APC: variants seen among roughly 807,000 people sequenced by gnomAD.
The protein encoded by APC is adenomatous polyposis coli protein.
Under a neutral mutation model 247.0 loss-of-function variants are expected in APC, and 72 were observed. The ratio of observed to expected loss-of-function variants is 0.29; its 90% CI spans 0.24 to 0.35. APC has a LOEUF of 0.35. APC is among the 10% of genes least tolerant of loss of function. The probability of loss-of-function intolerance (pLI) is 1.00; values close to 1 mark genes in which losing one functional copy is unlikely to be tolerated. For synonymous variants in APC, 1,254 were observed against 1,162.5 expected, an observed-to-expected ratio of 1.08 and a Z score of -1.60; for missense variants, 3,400 against 3,360.7, an observed-to-expected ratio of 1.01 and a Z score of -0.29.
chr5:112,766,801 C>T (rs185488513), intron 3 of APC, among the ~76,000 whole-genome samples: 7 of 152,298 alleles, frequency 4.6e-5, no homozygotes, highest in Admixed American at 3.9e-4. Context: ...AACCTTTTCA[C>T]ATATATAAGT....
intron 2 of APC, among the ~76,000 whole-genome samples, chr5:112,761,464 A>G (rs1255675922): frequency 6.6e-6 from 1 of 152,228 alleles, no homozygotes; most frequent in Non-Finnish European, 1.5e-5. Context: ...TAGATATTCT[A>G]GAACTGAAAA....
At chr5:112,732,228 A>G (rs1173400616) in intron 1 of APC, among the ~76,000 whole-genome samples, 1 of 152,222 alleles carries the variant, frequency 6.6e-6, no homozygotes, top group Non-Finnish European at 1.5e-5. Flanking sequence ...GGCTATTTCA[A>G]AATGGTTTCC....
rs762845970 is a variant in APC, at chr5:112,841,882, A to C, written c.6288A>C (p.Ser2096=). The change falls in exon 16 of 16, where the codon TCA becomes TCC. Residue 2096 remains serine (S), a synonymous_variant. Transcript: ENST00000257430. This position sits in a 1 kb window ranked among gnomAD's most constrained non-coding sequence, Gnocchi z 4.6. Reference sequence around the variant, plus strand: ...CAGAACATGGTCTATCCCCTGATTCAGAAAATTTTGATTGGAAAGCTATTC... The same window carrying C: ...CAGAACATGGTCTATCCCCTGATTCCGAAAATTTTGATTGGAAAGCTATTC... ...PDSEHGLSPD[S]ENFDWKAIQE... is the part of the protein sequence containing the mutation. The C allele has an allele frequency of 6.2e-7, 1 of 1,614,018 alleles. No homozygotes were observed.
chr5:112,721,096 G>A (rs1018676694), intron 1 of APC, among the ~76,000 whole-genome samples: 2 of 150,850 alleles, frequency 1.3e-5, no homozygotes, highest in African/African-American at 2.5e-5. Context: ...ATGAACTAGA[G>A]GGGCAGGAGA....
At chr5:112,740,499 GTTTTTGT>G (rs1399723391) in intron 1 of APC, among the ~76,000 whole-genome samples, 1 of 138,266 alleles carries the variant, frequency 7.2e-6, no homozygotes, top group African/African-American at 2.7e-5. Context: ...AGCTATTGAA[GTTTTTGT>G]TTTTTGTGTT....
intron 6 of APC, among the ~76,000 whole-genome samples, chr5:112,788,069 G>A (rs780168990): frequency 3.9e-5 from 6 of 152,000 alleles, no homozygotes; most frequent in African/African-American, 7.2e-5. Flanking sequence ...GTTCCTCATC[G>A]ATGAGTAATG....
At chr5:112,743,605 A>C (rs991356384) in intron 1 of APC, among the ~76,000 whole-genome samples, 3 of 152,246 alleles carry the variant, frequency 2.0e-5, no homozygotes, top group African/African-American at 7.2e-5. Flanking sequence ...TCATCACTTA[A>C]TTTATATCAG....
chr5:112,727,002 G>T (rs1751822214), intron 1 of APC, among the ~76,000 whole-genome samples: 1 of 151,918 alleles, frequency 6.6e-6, no homozygotes, highest in African/African-American at 2.4e-5. Flanking sequence ...TTCTCCTAAT[G>T]CTTAAAATGA....
intron 5 of APC, chr5:112,778,502 A>G (rs1757938621): frequency 6.6e-6 from 1 of 151,778 alleles, no homozygotes; most frequent in Non-Finnish European, 1.5e-5. Flanking sequence ...ATAATCTCAA[A>G]CAAGACTACA....
At chr5:112,732,641 G>A (rs1697915) in intron 1 of APC, among the ~76,000 whole-genome samples, 1,916 of 152,270 alleles carry the variant, frequency 0.013, 18 homozygotes, top group Middle Eastern at 0.044. Flanking sequence ...AAAACATTGT[G>A]ATATACACCA....
At position 112,835,055 on chromosome 5, in the gene APC, G is replaced by C. The variant is rs2149842573; in HGVS notation, c.1848G>C (p.Leu616Phe). 6.2e-7 allele frequency: 1 copy of C among 1,614,076 alleles called. No homozygotes were observed. Among genetic ancestry groups the C allele is most frequent in the Non-Finnish European group, 8.5e-7 (1 of 1,179,998 alleles). Residue 616 changes from leucine to phenylalanine, a missense_variant, in exon 15 of 16, where the codon TTG becomes TTC. This residue lies in a region of APC where 184 missense variants were observed against 248.0 expected (regional missense o/e 0.74). Coordinates refer to ENST00000257430, the MANE Select transcript of APC (RefSeq NM_000038.6). Reference protein sequence around the residue: ...ICAVDGALAFLVGTLTYRSQT... With the variant: ...ICAVDGALAFFVGTLTYRSQT... ...CTGTAGATGGTGCACTTGCATTTTT[G>C]GTTGGCACTCTTACTTACCGGAGCC...
intron 7 of APC, among the ~76,000 whole-genome samples, chr5:112,798,095 A>G (rs1032945652): frequency 2.6e-5 from 4 of 152,234 alleles, no homozygotes; most frequent in African/African-American, 9.6e-5. Context: ...AAATGAAAAT[A>G]TATGTGTACA....
At position 112,828,897 on chromosome 5, in the gene APC, T is replaced by G; in HGVS notation, c.1668T>G (p.Asp556Glu). The G allele has an allele frequency of 6.2e-7, 1 of 1,613,938 alleles. No homozygotes were observed. Among genetic ancestry groups the G allele is most frequent in the Non-Finnish European group, 8.5e-7 (1 of 1,179,866 alleles). ...SVLRNLSWRA[D>E]VNSKKTLREV... ...TGAGGAATTTGTCTTGGCGAGCAGA[T>G]GTAAATAGTAAAAAGACGTTGCGAG... Residue 556 changes from aspartate (D) to glutamate (E), a missense_variant, in exon 14 of 16, where the codon GAT (aspartate) becomes GAG (glutamate). Around this residue, in one of 9 missense-constraint regions of APC, gnomAD observed 184 missense variants for 248.0 expected, o/e 0.74. Coordinates refer to ENST00000257430, the MANE Select transcript of APC (RefSeq NM_000038.6).
chr5:112,719,937 G>A (rs537991460), intron 1 of APC, among the ~76,000 whole-genome samples: 1 of 152,044 alleles, frequency 6.6e-6, no homozygotes, highest in South Asian at 2.1e-4. Context: ...ACATCTCAAG[G>A]ACAAAATACG....
chr5:112,775,250 C>T (rs959766187), intron 4 of APC, among the ~76,000 whole-genome samples: 1 of 152,110 alleles, frequency 6.6e-6, no homozygotes, highest in Non-Finnish European at 1.5e-5. Flanking sequence ...TTCTGGGCAT[C>T]ATTGCTGCTT....
chr5:112,810,216 A>G (rs1455380006), intron 8 of APC: 4 of 451,430 alleles, frequency 8.9e-6, no homozygotes, highest in African/African-American at 8.1e-5. Context: ...AAATGGAGAG[A>G]GAAAGGATCC....
At chr5:112,750,332 C>A (rs1754201011) in intron 1 of APC, among the ~76,000 whole-genome samples, 1 of 152,130 alleles carries the variant, frequency 6.6e-6, no homozygotes, top group African/African-American at 2.4e-5. Context: ...AGACACCATA[C>A]CTTGATTCTA....
At chr5:112,741,369 C>G (rs1369807053) in intron 1 of APC, among the ~76,000 whole-genome samples, 1 of 152,120 alleles carries the variant, frequency 6.6e-6, no homozygotes, top group Non-Finnish European at 1.5e-5. Flanking sequence ...AACTAAATTA[C>G]TTTTGAAGTA....
intron 8 of APC, among the ~76,000 whole-genome samples, chr5:112,810,843 G>T (rs540855574): frequency 3.0e-4 from 46 of 152,278 alleles, no homozygotes; most frequent in African/African-American, 9.6e-4. Flanking sequence ...TGGCCAACAT[G>T]GTGAAACCCT....
Sources: allele counts gnomAD v4.1 joint callset (sites outside exome capture counted in the v4.1 genomes callset), GRCh38; gene constraint gnomAD v4.1.1; regional missense constraint gnomAD v4.1.1; non-coding constraint Gnocchi (gnomAD v3.1); transcripts MANE v1.5; gene names NCBI Gene and HGNC (gene_info 2026-07-23, HGNC 2026-07-21).